Variants in MIER1 observed in about 807,000 individuals in gnomAD.
MIER1 encodes mesoderm induction early response protein 1.
Under a neutral mutation model 75.7 loss-of-function variants are expected in MIER1, and 40 were observed. That is an observed-to-expected ratio of 0.53 (90% CI 0.41 to 0.69). The LOEUF (loss-of-function observed/expected upper bound fraction) is 0.69. Ranked by LOEUF, MIER1 falls within the 30% of genes least tolerant of loss-of-function variation. The probability of loss-of-function intolerance (pLI) is 0.00; values close to 1 mark genes in which losing one functional copy is unlikely to be tolerated. For missense variants in MIER1, 574 were observed against 680.2 expected, an observed-to-expected ratio of 0.84 and a Z score of 1.74; for synonymous variants, 213 against 223.4, an observed-to-expected ratio of 0.95 and a Z score of 0.42.
intron 2 of MIER1, among the ~76,000 whole-genome samples, chr1:66,936,181 G>A (rs1428551646): frequency 6.6e-6 from 1 of 151,898 alleles, no homozygotes; most frequent in African/African-American, 2.4e-5. Context: ...TCTAAAAATA[G>A]GTATTGTTAT....
Position 66,985,814 on chromosome 1 carries a change from ATTTTTTTTTTT to A in MIER1, c.*927_*937del. 1.6e-6 allele frequency: 1 copy of A among 629,882 alleles called. No homozygotes were observed. The highest frequency in any genetic ancestry group is 7.5e-5 in the South Asian group (1 of 13,348). The allele number at this position is 629,882 out of a possible 1,614,324, so 39.0% of individuals were successfully genotyped here. On this transcript the variant is annotated 3_prime_UTR_variant, in exon 14 of 14. Coordinates refer to ENST00000401041, the MANE Select transcript of MIER1 (RefSeq NM_001077700.3). ...TAAAGCATTCATAAAGGATTATAAA[ATTTTTTTTTTT>A]TTTTTTTTTTTTAAATTTCTACTTA...
At chr1:66,948,017 T>C (rs1470764538) in intron 4 of MIER1, 3 of 982,352 alleles carry the variant, frequency 3.1e-6, no homozygotes, top group Admixed American at 6.2e-5. Context: ...TTATTTTTTT[T>C]TAACCACTGT....
At position 66,987,308 on chromosome 1, in the gene MIER1, T is replaced by G. The variant is rs1025563349; in HGVS notation, c.*2408T>G. 4.6e-5 allele frequency: 7 copies of G among 152,712 alleles called. No individual in the cohort carries two copies. Among genetic ancestry groups the G allele is most frequent in the African/African-American group, 1.7e-4 (7 of 41,458 alleles). 9.5% of individuals were successfully genotyped at this position (152,712 alleles called of 1,614,324 possible). On this transcript the variant is annotated 3_prime_UTR_variant, in exon 14 of 14. Coordinates refer to ENST00000401041, the MANE Select transcript of MIER1 (RefSeq NM_001077700.3). ...ATCATGAATTTAATTTGCTTAAGAT[T>G]TAGTACATTTCAGAACTTTTGAACT... is the stretch of plus-strand genomic sequence containing the variant.
rs1570159024 is a variant in MIER1, at chr1:66,940,085, T to G, written c.193+33T>G. ...TTTTCCATATTTTTTATAATCTCGA[T>G]TTGAGTAACATTTGTCCTACTAGTT... is the stretch of plus-strand genomic sequence containing the variant. On this transcript the variant is annotated intron_variant, in intron 3 of 13. Transcript: ENST00000401041. 4 of 1,534,370 alleles carry G rather than the reference T, an allele frequency of 2.6e-6. No individual in the cohort carries two copies. In the East Asian group the frequency reaches 9.0e-5, roughly 35 times the overall value.
intron 2 of MIER1, among the ~76,000 whole-genome samples, chr1:66,927,926 T>C (rs1018517832): frequency 2.0e-5 from 3 of 152,134 alleles, no homozygotes; most frequent in Admixed American, 6.5e-5. Context: ...CTGAAGAGGG[T>C]AAGTAAGCGT....
At chr1:66,976,286 G>A (rs1253336310) in intron 11 of MIER1, among the ~76,000 whole-genome samples, 2 of 152,220 alleles carry the variant, frequency 1.3e-5, no homozygotes, top group African/African-American at 2.4e-5. Context: ...ACAGGCGTGA[G>A]CCACCGTGCC....
Position 66,931,974 on chromosome 1 carries a change from T to C in MIER1, c.168+5732T>C, listed in dbSNP as rs57675339. Among the ~76,000 whole-genome samples the C allele has an allele frequency of 5.8e-3, 884 of 152,286 alleles. 7 individuals carry two copies. The highest frequency in any genetic ancestry group is 0.02 in the African/African-American group (820 of 41,550). On this transcript the variant is annotated intron_variant, in intron 2 of 13. Transcript: ENST00000401041. The stretch of plus-strand genomic sequence containing the variant: ...GTTTGAGCTTTGAGGTGTGTAGTCA[T>C]ATACTAAGGCAAGATATTACTGAAG...
At chr1:66,927,802 A>G (rs973748651) in intron 2 of MIER1, among the ~76,000 whole-genome samples, 8 of 152,182 alleles carry the variant, frequency 5.3e-5, no homozygotes, top group African/African-American at 1.9e-4. Context: ...TAGTAGAAGC[A>G]TGATGAGAGA....
intron 3 of MIER1, among the ~76,000 whole-genome samples, chr1:66,941,706 C>T (rs1225634539): frequency 6.6e-6 from 1 of 152,164 alleles, no homozygotes. Flanking sequence ...TGCAGTGGCT[C>T]ATGCCTGTAA....
In MIER1 at chr1:66,964,073, A is replaced by AT. The variant is rs753026753; in HGVS notation, c.772+928dup. ...TTCCAATAACATACAATACTTGAAGATTTTTTTTTTTTTTTGAGACAGAGT... is the reference window on the plus strand; with the variant it reads ...TTCCAATAACATACAATACTTGAAGATTTTTTTTTTTTTTTTGAGACAGAGT... On this transcript the variant is annotated intron_variant, in intron 8 of 13. Coordinates refer to ENST00000401041, the MANE Select transcript of MIER1 (RefSeq NM_001077700.3). Among the ~76,000 whole-genome samples the AT allele has an allele frequency of 1.7e-3, 244 of 141,814 alleles. 1 individual carries two copies. Among genetic ancestry groups the AT allele is most frequent in the South Asian group, 7.5e-3 (33 of 4,424 alleles). 93.0% of individuals were successfully genotyped at this position (141,814 alleles called of 152,430 possible).
intron 7 of MIER1, 88 bp downstream of exon 7, chr1:66,959,831 T>C (rs1660909166): frequency 3.8e-6 from 2 of 532,014 alleles, no homozygotes; most frequent in Non-Finnish European, 6.4e-6. Context: ...TTACTAACTA[T>C]GTATATTGAT....
In MIER1 at chr1:66,983,393, G is replaced by T. The variant is rs1237324055; in HGVS notation, c.1370-1179G>T. On this transcript the variant is annotated intron_variant, in intron 13 of 13. Transcript: ENST00000401041. Reference sequence around the variant, plus strand: ...CAAAATAGAATATTTTCTTCTATCAGAATACAGTATTTGAGGCTCATCCTT... The same window carrying T: ...CAAAATAGAATATTTTCTTCTATCATAATACAGTATTTGAGGCTCATCCTT... Among the ~76,000 whole-genome samples the T allele has an allele frequency of 2.6e-5, 4 of 152,118 alleles. No individual in the cohort carries two copies. In the East Asian group the frequency reaches 7.7e-4, roughly 29 times the overall value.
chr1:66,938,949 T>G (rs1007352000), intron 2 of MIER1, among the ~76,000 whole-genome samples: 9 of 152,150 alleles, frequency 5.9e-5, no homozygotes, highest in Non-Finnish European at 1.2e-4. Flanking sequence ...TTTTAATACT[T>G]TATAGGAATT....
chr1:66,954,666 G>A (rs1659717015), intron 4 of MIER1, among the ~76,000 whole-genome samples: 1 of 151,308 alleles, frequency 6.6e-6, no homozygotes, highest in East Asian at 1.9e-4. Context: ...TATTGGAGGT[G>A]TTGGAGAATT....
chr1:66,966,636 G>C, intron 8 of MIER1, among the ~76,000 whole-genome samples: 1 of 152,162 alleles, frequency 6.6e-6, no homozygotes, highest in East Asian at 1.9e-4. Flanking sequence ...GGTTGAACTA[G>C]TTCACAGTCC....
At chr1:66,960,696 T>A (rs1203995635) in intron 7 of MIER1, among the ~76,000 whole-genome samples, 1 of 152,178 alleles carries the variant, frequency 6.6e-6, no homozygotes, top group Admixed American at 6.5e-5. Context: ...GAAATAATGT[T>A]ATTTTTGTTG....
intron 4 of MIER1, chr1:66,947,848 G>A: frequency 1.3e-6 from 1 of 775,886 alleles, no homozygotes; most frequent in South Asian, 5.8e-5. Flanking sequence ...TTGTTAAATA[G>A]GCTAGTTTCT....
At chr1:66,942,750 A>T (rs1304799865) in intron 3 of MIER1, among the ~76,000 whole-genome samples, 1 of 152,220 alleles carries the variant, frequency 6.6e-6, no homozygotes, top group Non-Finnish European at 1.5e-5. Flanking sequence ...GTTTATAGAA[A>T]AAAGCGTAGT....
intron 4 of MIER1, among the ~76,000 whole-genome samples, chr1:66,957,018 A>T (rs1660270426): frequency 6.6e-6 from 1 of 152,072 alleles, no homozygotes; most frequent in South Asian, 2.1e-4. Context: ...TTATTTCATG[A>T]TTACCCTTTT....
Sources: gnomAD v4.1 joint callset for allele counts (sites outside exome capture counted in the v4.1 genomes callset) on GRCh38, gnomAD v4.1.1 for gene constraint, MANE v1.5 for transcripts, NCBI Gene and HGNC (gene_info 2026-07-23, HGNC 2026-07-21) for gene names.